Variants in TMCC3 observed in about 807,000 individuals in gnomAD.
TMCC3 encodes transmembrane and coiled-coil domain protein 3.
A neutral mutation model predicts 40.2 loss-of-function variants in TMCC3; 28 were observed. The observed-to-expected ratio is 0.70, with a 90% CI of 0.52 to 0.95. TMCC3 has a LOEUF of 0.95. Among genes scored for constraint, TMCC3 ranks in the 40% least tolerant of loss-of-function variants. TMCC3 has a pLI of 0.00. For synonymous variants in TMCC3, 255 were observed against 248.5 expected (o/e 1.03, Z -0.25); for missense variants, 554 against 615.2 (o/e 0.90, Z 1.05).
intron 1 of TMCC3, chr12:94,644,330 A>G (rs1238445631): frequency 1.9e-5 from 18 of 960,426 alleles, no homozygotes; most frequent in Non-Finnish European, 2.1e-5. Context: ...CAGGGCTGAA[A>G]GCTGCAGACT....
intron 1 of TMCC3, among the ~76,000 whole-genome samples, chr12:94,620,390 C>A (rs762886853): frequency 6.6e-6 from 1 of 151,180 alleles, no homozygotes; most frequent in African/African-American, 2.4e-5. Flanking sequence ...CAAGTTTAAG[C>A]GGTTCTCCTG....
chr12:94,575,730 C>T (rs549141906), intron 3 of TMCC3, among the ~76,000 whole-genome samples: 63 of 152,298 alleles, frequency 4.1e-4, no homozygotes, highest in African/African-American at 1.4e-3. Flanking sequence ...AGATACCACC[C>T]AGTGACACCC....
At chr12:94,592,837 G>GCTTGA (rs1218210699) in intron 1 of TMCC3, among the ~76,000 whole-genome samples, 7 of 151,756 alleles carry the variant, frequency 4.6e-5, no homozygotes, top group Non-Finnish European at 7.4e-5. Context: ...CAGTGTTTAA[G>GCTTGA]AGTCTCAAAA....
At chr12:94,650,234 G>C (rs2069048225) in intron 1 of TMCC3, 119 bp downstream of exon 1, 1 of 521,140 alleles carries the variant, frequency 1.9e-6, no homozygotes, top group Non-Finnish European at 2.7e-6. Context: ...GACCTCCGGC[G>C]GCAGCGGAGG....
intron 1 of TMCC3, among the ~76,000 whole-genome samples, chr12:94,596,526 T>G (rs1358216078): frequency 6.6e-6 from 1 of 152,214 alleles, no homozygotes; most frequent in Non-Finnish European, 1.5e-5. Flanking sequence ...CAGCTAGGAT[T>G]GACTGCTTCC....
intron 1 of TMCC3, among the ~76,000 whole-genome samples, chr12:94,588,730 T>C (rs993363321): frequency 6.6e-6 from 1 of 152,188 alleles, no homozygotes; most frequent in Non-Finnish European, 1.5e-5. Flanking sequence ...CTATTTCAGG[T>C]CTAAAGTCTA....
chr12:94,628,830 T>C (rs923999405), intron 1 of TMCC3, among the ~76,000 whole-genome samples: 4 of 152,362 alleles, frequency 2.6e-5, no homozygotes, highest in Non-Finnish European at 5.9e-5. Context: ...GGTGCCGTTC[T>C]GCTCTGAAAT....
At chr12:94,610,443 A>T (rs6538522) in intron 1 of TMCC3, among the ~76,000 whole-genome samples, 113,518 of 146,968 alleles carry the variant, frequency 0.77, 43,080 homozygotes, top group African/African-American at 0.84. Context: ...AAAAAAAAAA[A>T]TTTTTTTTTC....
intron 3 of TMCC3, 27 bp from the exon 4 acceptor site, chr12:94,571,764 C>A: frequency 6.2e-7 from 1 of 1,609,818 alleles, no homozygotes; most frequent in Non-Finnish European, 8.5e-7. Context: ...GAGCAAGGGT[C>A]AAACGGTGTT....
At chr12:94,606,238 G>T (rs1410149052) in intron 1 of TMCC3, among the ~76,000 whole-genome samples, 3 of 152,158 alleles carry the variant, frequency 2.0e-5, no homozygotes, top group Non-Finnish European at 4.4e-5. Context: ...CCTGTGTGCA[G>T]AAGTATCATT....
At position 94,582,340 on chromosome 12, in the gene TMCC3, C is replaced by A; in HGVS notation, c.277G>T (p.Val93Phe). Reference protein sequence around the residue: ...KIEQTSRDGNVAEYLKLVNNA... With the variant: ...KIEQTSRDGNFAEYLKLVNNA... Reference sequence around the variant, plus strand: ...TTCACTAGTTTCAGATACTCCGCAACATTCCCATCGCGCGATGTTTGCTCA... The same window carrying A: ...TTCACTAGTTTCAGATACTCCGCAAAATTCCCATCGCGCGATGTTTGCTCA... The change falls in exon 2 of 4, where the codon GTT becomes TTT. Residue 93 changes from valine (V) to phenylalanine (F), a missense_variant. Transcript: ENST00000261226. 1 of 1,614,042 alleles carries A rather than the reference C, an allele frequency of 6.2e-7. No individual in the cohort carries two copies. Among genetic ancestry groups the A allele is most frequent in the Non-Finnish European group, 8.5e-7 (1 of 1,180,022 alleles).
intron 1 of TMCC3, among the ~76,000 whole-genome samples, chr12:94,646,200 A>G (rs1490970663): frequency 6.6e-6 from 1 of 152,206 alleles, no homozygotes; most frequent in Non-Finnish European, 1.5e-5. Flanking sequence ...GATATGGAAG[A>G]AACCAATTCC....
At chr12:94,612,478 T>G (rs1278252970) in intron 1 of TMCC3, among the ~76,000 whole-genome samples, 1 of 150,684 alleles carries the variant, frequency 6.6e-6, no homozygotes, top group Admixed American at 6.6e-5. Flanking sequence ...ACTCGGCTAA[T>G]TTTTTGTATT....
At chr12:94,607,522 C>A (rs369262787) in intron 1 of TMCC3, among the ~76,000 whole-genome samples, 1 of 152,144 alleles carries the variant, frequency 6.6e-6, no homozygotes, top group African/African-American at 2.4e-5. Context: ...TCCATGAAAT[C>A]TTCACAATTT....
intron 1 of TMCC3, among the ~76,000 whole-genome samples, chr12:94,645,035 G>T (rs79446450): frequency 0.015 from 2,221 of 152,186 alleles, 54 homozygotes; most frequent in African/African-American, 0.051. Context: ...GGTATTGTCC[G>T]GAACCACAAG....
chr12:94,603,177 C>A (rs1025793446), intron 1 of TMCC3, among the ~76,000 whole-genome samples: 1 of 152,222 alleles, frequency 6.6e-6, no homozygotes, highest in Non-Finnish European at 1.5e-5. Flanking sequence ...CTCTGCCTCC[C>A]AGGCTCAAAC....
chr12:94,601,237 G>T (rs79134596), intron 1 of TMCC3, among the ~76,000 whole-genome samples: 1 of 152,092 alleles, frequency 6.6e-6, no homozygotes, highest in Non-Finnish European at 1.5e-5. Context: ...TGCCCTGGCC[G>T]GGCGCGGTGG....
At chr12:94,621,259 G>A (rs779820424) in intron 1 of TMCC3, among the ~76,000 whole-genome samples, 13 of 152,188 alleles carry the variant, frequency 8.5e-5, no homozygotes, top group African/African-American at 2.7e-4. Flanking sequence ...TTAACACTGC[G>A]GGTAAGCAAA....
Position 94,582,191 on chromosome 12 carries a change from C to T in TMCC3, c.426G>A (p.Glu142=). The change falls in exon 2 of 4, where the codon GAG becomes GAA. Residue 142 remains glutamate, a synonymous_variant. Coordinates refer to ENST00000261226, the MANE Select transcript of TMCC3 (RefSeq NM_020698.4). ...KLEQYHRKLR[E]IEQNGASRSS... The stretch of plus-strand genomic sequence containing the variant: ...TCCTAGAGGCTCCATTCTGCTCGAT[C>T]TCTCTGAGCTTTCGATGATACTGCT... The T allele has an allele frequency of 6.2e-7, 1 of 1,614,164 alleles. No homozygotes were observed. Among genetic ancestry groups the T allele is most frequent in the Non-Finnish European group, 8.5e-7 (1 of 1,180,016 alleles).
Sources: allele counts gnomAD v4.1 joint callset (sites outside exome capture counted in the v4.1 genomes callset), GRCh38; gene constraint gnomAD v4.1.1; transcripts MANE v1.5; gene names NCBI Gene and HGNC (gene_info 2026-07-23, HGNC 2026-07-21).